CYREN: variants seen among roughly 807,000 people sequenced by gnomAD.
CYREN encodes the protein cell cycle regulator of NHEJ.
Under a neutral mutation model 9.7 loss-of-function variants are expected in CYREN, and 7 were observed. That is an observed-to-expected ratio of 0.72 (90% CI 0.41 to 1.36). The LOEUF (loss-of-function observed/expected upper bound fraction) is 1.36. CYREN is among the 40% of genes most tolerant of loss of function. The pLI, the probability that CYREN is intolerant of heterozygous loss-of-function variation, is 0.01. For synonymous variants in CYREN, 76 were observed against 77.9 expected, an observed-to-expected ratio of 0.98 and a Z score of 0.13; for missense variants, 215 against 198.1, an observed-to-expected ratio of 1.09 and a Z score of -0.51.
intron 2 of CYREN, among the ~76,000 whole-genome samples, chr7:135,144,205 T>G (rs758976720): frequency 6.6e-6 from 1 of 152,256 alleles, no homozygotes; most frequent in Non-Finnish European, 1.5e-5. Context: ...GGAGTTTCCA[T>G]GCCAGGAGAG....
At chr7:135,168,652 G>C in intron 2 of CYREN, 134 bp downstream of exon 2, 2 of 1,370,868 alleles carry the variant, frequency 1.5e-6, no homozygotes, top group Non-Finnish European at 2.0e-6. Context: ...CCTTCTAAAA[G>C]CTCAAGAGAT....
At chr7:135,156,373 C>T (rs537298712) in intron 2 of CYREN, among the ~76,000 whole-genome samples, 1 of 152,238 alleles carries the variant, frequency 6.6e-6, no homozygotes, top group African/African-American at 2.4e-5. Context: ...CAGTCCCAGA[C>T]ATCTCAAAGG....
At chr7:135,164,907 A>G, downstream of CYREN, 1 of 1,614,194 alleles carries the variant, frequency 6.2e-7, no homozygotes, top group Admixed American at 1.7e-5. Flanking sequence ...AGCTCTGGGC[A>G]GCGCCCAGGC....
At chr7:135,113,307 T>C (rs963990764) in intron 2 of CYREN, among the ~76,000 whole-genome samples, 3 of 152,146 alleles carry the variant, frequency 2.0e-5, no homozygotes, top group Non-Finnish European at 4.4e-5. Flanking sequence ...AAAGTAGAAA[T>C]AGAATAATGA....
Position 135,167,785 on chromosome 7 carries a change from A to G in CYREN, c.160T>C (p.Tyr54His). ...ACTATCTCAGCCTCATTCATGCAGTACACAGTCCTTGTCGCAGGGAGTCTG... is the reference window on the plus strand; with the variant it reads ...ACTATCTCAGCCTCATTCATGCAGTGCACAGTCCTTGTCGCAGGGAGTCTG... ...AARLPATRTV[Y>H]CMNEAEIVDV... Residue 54 changes from tyrosine to histidine, a missense_variant, in exon 3 of 4, where the codon TAC becomes CAC. By Grantham distance (83) the Tyr-to-His change is moderately conservative (BLOSUM62 2). Coordinates refer to ENST00000393114, the MANE Select transcript of CYREN (RefSeq NM_024033.4). 6.2e-7 allele frequency: 1 copy of G among 1,614,200 alleles called. No homozygotes were observed.
intron 2 of CYREN, among the ~76,000 whole-genome samples, chr7:135,102,196 C>T (rs1431862912): frequency 1.3e-5 from 2 of 152,186 alleles, no homozygotes; most frequent in Admixed American, 1.3e-4. Flanking sequence ...GTCAAATTCA[C>T]CGCTCCAAAT....
At chr7:135,165,272 T>C (rs1585363919), downstream of CYREN, 2 of 373,944 alleles carry the variant, frequency 5.3e-6, no homozygotes, top group East Asian at 4.3e-5. Context: ...CAATTCCTGC[T>C]TTAATTAATG....
chr7:135,107,887 G>A (rs1824988159), intron 2 of CYREN, among the ~76,000 whole-genome samples: 1 of 151,986 alleles, frequency 6.6e-6, no homozygotes, highest in South Asian at 2.1e-4. Flanking sequence ...TATGAATCTG[G>A]GTGCTCCTGT....
chr7:135,129,810 T>G, intron 2 of CYREN: 1 of 510,844 alleles, frequency 2.0e-6, no homozygotes, highest in Admixed American at 3.1e-5. Flanking sequence ...GTGTAGAAGA[T>G]ATGGAAGAAC....
intron 2 of CYREN, among the ~76,000 whole-genome samples, chr7:135,129,879 C>A (rs1294840662): frequency 2.0e-5 from 3 of 152,052 alleles, no homozygotes; most frequent in African/African-American, 7.2e-5. Context: ...TTTTTTAATG[C>A]AAGTTGAGAA....
intron 2 of CYREN, among the ~76,000 whole-genome samples, chr7:135,098,594 C>T (rs533945316): frequency 2.4e-4 from 36 of 152,218 alleles, no homozygotes; most frequent in Middle Eastern, 6.8e-3. Flanking sequence ...GATGTCATTG[C>T]ATTGGAATGA....
chr7:135,160,186 C>T (rs1000714002), intron 2 of CYREN, among the ~76,000 whole-genome samples: 3 of 152,192 alleles, frequency 2.0e-5, no homozygotes, highest in African/African-American at 7.2e-5. Flanking sequence ...GTTATTTCTA[C>T]GACCTGAAGT....
downstream of CYREN, chr7:135,164,528 T>C (rs292501): frequency 5.6e-4 from 899 of 1,614,198 alleles, 3 homozygotes; most frequent in Non-Finnish European, 6.4e-4. Context: ...GCCTGATGTT[T>C]TACGCTCTTC....
intron 2 of CYREN, among the ~76,000 whole-genome samples, chr7:135,147,291 G>A (rs1829565446): frequency 1.3e-5 from 2 of 152,080 alleles, no homozygotes; most frequent in African/African-American, 4.8e-5. Context: ...TAGAGTTTGC[G>A]TTTAAAAGAA....
intron 2 of CYREN, among the ~76,000 whole-genome samples, chr7:135,140,498 T>C (rs1259734007): frequency 2.0e-5 from 3 of 152,118 alleles, no homozygotes; most frequent in Non-Finnish European, 4.4e-5. Flanking sequence ...TAGAGTCATA[T>C]AATCTGCAGA....
At chr7:135,154,117 C>T (rs113793941) in intron 2 of CYREN, among the ~76,000 whole-genome samples, 7 of 152,202 alleles carry the variant, frequency 4.6e-5, no homozygotes, top group African/African-American at 9.6e-5. Flanking sequence ...AGTTTGTGAG[C>T]ATGCAGTTGT....
chr7:135,132,496 T>C (rs182066387), intron 2 of CYREN, among the ~76,000 whole-genome samples: 7 of 152,194 alleles, frequency 4.6e-5, no homozygotes, highest in Admixed American at 1.3e-4. Context: ...CAGAAAAACA[T>C]AGGAATAAAG....
chr7:135,150,861 C>CA (rs1829651766), intron 2 of CYREN, among the ~76,000 whole-genome samples: 1 of 152,184 alleles, frequency 6.6e-6, no homozygotes, highest in Non-Finnish European at 1.5e-5. Flanking sequence ...CTCAAACAAA[C>CA]AAACAAATTA....
intron 2 of CYREN, among the ~76,000 whole-genome samples, chr7:135,094,745 T>A (rs2116944914): frequency 6.6e-6 from 1 of 152,322 alleles, no homozygotes; most frequent in Non-Finnish European, 1.5e-5. Flanking sequence ...TGGGTAGTAG[T>A]CAGAGACCAT....
Sources: allele counts gnomAD v4.1 joint callset (sites outside exome capture counted in the v4.1 genomes callset), GRCh38; gene constraint gnomAD v4.1.1; transcripts MANE v1.5; gene names NCBI Gene and HGNC (gene_info 2026-07-23, HGNC 2026-07-21).